RIT2: variants seen among roughly 807,000 people sequenced by gnomAD.
RIT2 encodes the protein GTP-binding protein Rit2.
A neutral mutation model predicts 23.7 loss-of-function variants in RIT2; 24 were observed. The ratio of observed to expected loss-of-function variants is 1.01; its 90% CI spans 0.73 to 1.43. RIT2 has a LOEUF of 1.43. RIT2 is among the 40% of genes most tolerant of loss of function. The probability of loss-of-function intolerance (pLI) is 0.00; values close to 1 mark genes in which losing one functional copy is unlikely to be tolerated. For synonymous variants in RIT2, 107 were observed against 91.1 expected, an observed-to-expected ratio of 1.17 and a Z score of -0.99; for missense variants, 236 against 266.9, an observed-to-expected ratio of 0.88 and a Z score of 0.81.
intron 4 of RIT2, among the ~76,000 whole-genome samples, chr18:42,773,850 T>C (rs921727508): frequency 6.6e-6 from 1 of 152,188 alleles, no homozygotes; most frequent in Admixed American, 6.5e-5. Flanking sequence ...TCTATCTCTA[T>C]AACACAAAAG....
At position 42,919,126 on chromosome 18, in the gene RIT2, C is replaced by T. The variant is rs79275780; in HGVS notation, c.426+4446G>A. ...CCTTTACTATATTCCAAAACCATCA[C>T]GACTCTCCAAAGATAAATAGATGCT... On this transcript the variant is annotated intron_variant, in intron 4 of 4. Transcript: ENST00000326695. 9.9e-3 allele frequency among the ~76,000 whole-genome samples: 1,509 copies of T among 152,196 alleles called. 32 individuals carry two copies. Among genetic ancestry groups the T allele is most frequent in the African/African-American group, 0.032 (1,339 of 41,546 alleles).
intron 4 of RIT2, among the ~76,000 whole-genome samples, chr18:42,879,185 A>G (rs909406514): frequency 9.9e-5 from 15 of 152,238 alleles, no homozygotes; most frequent in African/African-American, 3.6e-4. Context: ...TCATCCTGGG[A>G]CACTTTCACC....
intron 4 of RIT2, among the ~76,000 whole-genome samples, chr18:42,748,158 A>C (rs1422917943): frequency 6.6e-6 from 1 of 151,896 alleles, no homozygotes; most frequent in Non-Finnish European, 1.5e-5. Context: ...AAAACCCGCA[A>C]AGTGGAAGAA....
chr18:43,024,720 A>C (rs1472816660), intron 2 of RIT2, among the ~76,000 whole-genome samples: 1 of 151,890 alleles, frequency 6.6e-6, no homozygotes, highest in Non-Finnish European at 1.5e-5. Context: ...CAACAACAAC[A>C]ACAACAACAA....
chr18:43,094,071 A>G (rs1007084790), intron 1 of RIT2, among the ~76,000 whole-genome samples: 2 of 150,982 alleles, frequency 1.3e-5, no homozygotes, highest in African/African-American at 4.9e-5. Context: ...TTCAAAATTT[A>G]TGCAAAAATC....
At chr18:42,841,033 A>C (rs1906753812) in intron 4 of RIT2, among the ~76,000 whole-genome samples, 1 of 152,176 alleles carries the variant, frequency 6.6e-6, no homozygotes, top group Non-Finnish European at 1.5e-5. Context: ...GCTAACCTAT[A>C]AGCTAGCGAG....
intron 4 of RIT2, among the ~76,000 whole-genome samples, chr18:42,898,467 A>T (rs986924764): frequency 2.6e-5 from 4 of 152,194 alleles, no homozygotes; most frequent in African/African-American, 9.6e-5. Flanking sequence ...AGGTTTAAAC[A>T]TTGAGGACCA....
intron 4 of RIT2, among the ~76,000 whole-genome samples, chr18:42,849,789 T>G (rs976967628): frequency 3.9e-5 from 6 of 152,140 alleles, no homozygotes; most frequent in African/African-American, 4.8e-5. Context: ...CCAATCCAGC[T>G]TGATGAGCTA....
intron 4 of RIT2, among the ~76,000 whole-genome samples, chr18:42,836,581 T>G (rs1169133249): frequency 6.6e-6 from 1 of 152,182 alleles, no homozygotes; most frequent in Non-Finnish European, 1.5e-5. Flanking sequence ...TTGGGGATAC[T>G]AACAAAAGTT....
At chr18:42,883,572 C>A (rs1371461587) in intron 4 of RIT2, among the ~76,000 whole-genome samples, 2 of 152,030 alleles carry the variant, frequency 1.3e-5, no homozygotes, top group African/African-American at 4.8e-5. Flanking sequence ...TATGAGAGGA[C>A]AAGCAAATCT....
chr18:43,054,099 T>C (rs554361707), intron 1 of RIT2, among the ~76,000 whole-genome samples: 2 of 152,222 alleles, frequency 1.3e-5, no homozygotes, highest in East Asian at 1.9e-4. Flanking sequence ...CAGCTCTTTG[T>C]TGAAAGTTAG....
rs1157651203 is a variant in RIT2 at position 42,933,830 on chromosome 18, C to T, written c.235-10067G>A. Among the ~76,000 whole-genome samples, 3 of 151,702 alleles carry T rather than the reference C, an allele frequency of 2.0e-5. No homozygotes were observed. In the East Asian group the frequency reaches 5.8e-4, roughly 29 times the overall value. ...GTCAGGAGTTCGAGACCATCCTGGC[C>T]AACATGGTGAAACCCTGTCTCTACT... On this transcript the variant is annotated intron_variant, in intron 3 of 4. Coordinates refer to ENST00000326695, the MANE Select transcript of RIT2 (RefSeq NM_002930.4).
intron 3 of RIT2, among the ~76,000 whole-genome samples, chr18:42,927,110 C>T (rs926854221): frequency 2.6e-5 from 4 of 151,920 alleles, no homozygotes; most frequent in African/African-American, 4.8e-5. Flanking sequence ...TGGTACAAAT[C>T]TGGCAGAATA....
chr18:42,936,085 C>T (rs1359784615), intron 3 of RIT2, among the ~76,000 whole-genome samples: 1 of 151,608 alleles, frequency 6.6e-6, no homozygotes, highest in East Asian at 1.9e-4. Context: ...TTTTCCTTTC[C>T]CTTTAGCTTT....
chr18:42,810,961 G>A (rs1208815855), intron 4 of RIT2, among the ~76,000 whole-genome samples: 1 of 151,898 alleles, frequency 6.6e-6, no homozygotes, highest in East Asian at 1.9e-4. Flanking sequence ...TCCAAAAAGT[G>A]GTATAATTTT....
intron 1 of RIT2, among the ~76,000 whole-genome samples, chr18:43,113,141 G>T (rs1220035781): frequency 6.6e-6 from 1 of 152,112 alleles, no homozygotes; most frequent in African/African-American, 2.4e-5. Flanking sequence ...ACCTTCAATA[G>T]AAGGTTAATA....
chr18:42,896,992 C>T (rs1908347942), intron 4 of RIT2, among the ~76,000 whole-genome samples: 1 of 152,116 alleles, frequency 6.6e-6, no homozygotes, highest in Non-Finnish European at 1.5e-5. Flanking sequence ...TGACGCAGTC[C>T]TCTTCAATGT....
At chr18:43,045,469 C>A (rs979508297) in intron 1 of RIT2, among the ~76,000 whole-genome samples, 2 of 152,168 alleles carry the variant, frequency 1.3e-5, no homozygotes, top group Non-Finnish European at 2.9e-5. Context: ...AACTAATGGG[C>A]ACCAACGTAT....
chr18:43,111,968 C>T (rs1913963924), intron 1 of RIT2, among the ~76,000 whole-genome samples: 1 of 151,386 alleles, frequency 6.6e-6, no homozygotes, highest in African/African-American at 2.4e-5. Context: ...GACAATATTA[C>T]ATATAATTAT....
Sources: gnomAD v4.1 joint callset for allele counts (sites outside exome capture counted in the v4.1 genomes callset) on GRCh38, gnomAD v4.1.1 for gene constraint, MANE v1.5 for transcripts, NCBI Gene and HGNC (gene_info 2026-07-23, HGNC 2026-07-21) for gene names.